SLC39A12: variants seen among roughly 807,000 people sequenced by gnomAD.
SLC39A12 encodes solute carrier family 39 member 12.
A neutral mutation model predicts 71.1 loss-of-function variants in SLC39A12; 63 were observed. The ratio of observed to expected loss-of-function variants is 0.89; its 90% CI spans 0.72 to 1.09. SLC39A12 has a LOEUF of 1.09. SLC39A12 is among the 50% of genes least tolerant of loss of function. The pLI is 0.00. For synonymous variants in SLC39A12, 351 were observed against 301.3 expected, an observed-to-expected ratio of 1.16 and a Z score of -1.71; for missense variants, 892 against 812.6, an observed-to-expected ratio of 1.10 and a Z score of -1.19.
At chr10:17,969,134 T>G (rs945323819) in intron 4 of SLC39A12, among the ~76,000 whole-genome samples, 1 of 152,192 alleles carries the variant, frequency 6.6e-6, no homozygotes, top group Non-Finnish European at 1.5e-5. Context: ...TTCTTTTTTA[T>G]GGCTGAATGG....
chr10:17,955,847 G>A (rs559997956), intron 2 of SLC39A12, among the ~76,000 whole-genome samples: 41 of 152,286 alleles, frequency 2.7e-4, no homozygotes, highest in African/African-American at 8.9e-4. Context: ...ATGAGAAGGG[G>A]TAGAATATAG....
At chr10:18,029,874 G>T (rs2488125) in intron 12 of SLC39A12, among the ~76,000 whole-genome samples, 81,753 of 146,696 alleles carry the variant, frequency 0.56, 23,872 homozygotes, top group Non-Finnish European at 0.66. Flanking sequence ...CTTCAAAATT[G>T]ACTGGCTAAA....
intron 12 of SLC39A12, among the ~76,000 whole-genome samples, chr10:18,036,463 C>A (rs745698605): frequency 6.6e-6 from 1 of 152,002 alleles, no homozygotes; most frequent in African/African-American, 2.4e-5. Flanking sequence ...ACTCCCTGAC[C>A]CCTTGCGCTT....
Position 17,970,678 on chromosome 10 carries a change from G to GTGTC in SLC39A12, c.751+4991_751+4992insCTGT, listed in dbSNP as rs1357277222. Among the ~76,000 whole-genome samples the GTGTC allele has an allele frequency of 2.6e-3, 33 of 12,612 alleles. No homozygotes were observed. The African/African-American group carries it at 0.028, about 11-fold the overall frequency. 8.3% of individuals were successfully genotyped at this position (12,612 alleles called of 152,430 possible). ...TTTCTTATCAGTTCTAATAGTTTGT[G>GTGTC]TGTGTGTGTGTGTGTGTGTGTGTGT... On this transcript the variant is annotated intron_variant, in intron 4 of 12. Transcript: ENST00000377369.
At chr10:17,993,802 C>T (rs1835616486) in intron 9 of SLC39A12, among the ~76,000 whole-genome samples, 1 of 152,202 alleles carries the variant, frequency 6.6e-6, no homozygotes, top group South Asian at 2.1e-4. Flanking sequence ...TATTAATTCT[C>T]AAAGCACAAT....
chr10:17,979,306 C>T (rs1024860100), intron 5 of SLC39A12, among the ~76,000 whole-genome samples: 4 of 152,072 alleles, frequency 2.6e-5, no homozygotes, highest in South Asian at 2.1e-4. Flanking sequence ...GAGCAGCAAG[C>T]GAAGACCAAG....
In SLC39A12 at chr10:17,991,141, T is replaced by TTTTTC. The variant is rs1554851668; in HGVS notation, c.1270-10_1270-9insTTTTC. ...TCTCTCTGCCTTTTTTTTTTTTTTT[T>TTTTTC]CCCCTGAAGGTTCTTGGTTTACATA... On this transcript the variant is annotated splice_polypyrimidine_tract_variant and intron_variant, in intron 7 of 12. Coordinates refer to ENST00000377369, the MANE Select transcript of SLC39A12 (RefSeq NM_001145195.2). 2 of 1,522,518 alleles carry TTTTTC rather than the reference T, an allele frequency of 1.3e-6. No individual in the cohort carries two copies. The highest frequency in any genetic ancestry group is 1.7e-6 in the Non-Finnish European group (2 of 1,145,970). The allele number at this position is 1,522,518 out of a possible 1,614,324, so 94.3% of individuals were successfully genotyped here. A position where few individuals can be genotyped will look rare whatever the true frequency, so the allele number is the denominator to read the frequency against.
intron 4 of SLC39A12, among the ~76,000 whole-genome samples, chr10:17,968,647 T>A (rs1292848244): frequency 6.6e-6 from 1 of 152,132 alleles, no homozygotes; most frequent in Non-Finnish European, 1.5e-5. Flanking sequence ...TTTTTCTTTT[T>A]CTTTTTTCAA....
At chr10:18,033,134 G>A (rs1454309207) in intron 12 of SLC39A12, among the ~76,000 whole-genome samples, 10 of 139,272 alleles carry the variant, frequency 7.2e-5, no homozygotes, top group Admixed American at 4.4e-4. Flanking sequence ...GTCTCTGCCC[G>A]GCTTTGGTAT....
chr10:17,963,771 T>A (rs1589220630), intron 3 of SLC39A12, among the ~76,000 whole-genome samples: 2 of 152,168 alleles, frequency 1.3e-5, no homozygotes, highest in African/African-American at 4.8e-5. Context: ...TACTTGAATT[T>A]CCAGGTCTTG....
intron 12 of SLC39A12, among the ~76,000 whole-genome samples, chr10:18,022,753 G>A (rs1028256571): frequency 6.6e-6 from 1 of 152,168 alleles, no homozygotes; most frequent in African/African-American, 2.4e-5. Context: ...TTTCACATCT[G>A]TGTGGGCTGA....
intron 10 of SLC39A12, among the ~76,000 whole-genome samples, chr10:17,998,126 T>C (rs960402354): frequency 3.9e-5 from 6 of 152,186 alleles, no homozygotes; most frequent in Admixed American, 2.0e-4. Flanking sequence ...AACCTCCCGC[T>C]AAATAATGTT....
At chr10:17,982,956 C>A (rs948902882) in intron 6 of SLC39A12, among the ~76,000 whole-genome samples, 7 of 151,612 alleles carry the variant, frequency 4.6e-5, no homozygotes, top group Non-Finnish European at 8.8e-5. Flanking sequence ...TTCGGGAGGC[C>A]GAGGCGGGTG....
chr10:18,024,179 G>T (rs558063343), intron 12 of SLC39A12, among the ~76,000 whole-genome samples: 1 of 152,174 alleles, frequency 6.6e-6, no homozygotes, highest in South Asian at 2.1e-4. Flanking sequence ...TGAAAGTGAG[G>T]CCTGTAGTCT....
chr10:18,034,842 G>A (rs1216824336), intron 12 of SLC39A12, among the ~76,000 whole-genome samples: 2 of 148,926 alleles, frequency 1.3e-5, no homozygotes, highest in African/African-American at 2.5e-5. Context: ...GGGCAGGCCT[G>A]GTGGTGACAA....
intron 4 of SLC39A12, among the ~76,000 whole-genome samples, chr10:17,968,682 T>C (rs1412740170): frequency 2.0e-5 from 3 of 152,152 alleles, no homozygotes; most frequent in African/African-American, 7.2e-5. Context: ...ATAGTAGGTG[T>C]ATGTATTTAT....
At chr10:17,991,669 A>G (rs1589235262) in intron 8 of SLC39A12, among the ~76,000 whole-genome samples, 1 of 121,850 alleles carries the variant, frequency 8.2e-6, no homozygotes, top group African/African-American at 2.5e-5. Flanking sequence ...ACAAAATCAC[A>G]TGTAATTTTC....
intron 12 of SLC39A12, among the ~76,000 whole-genome samples, chr10:18,018,802 C>G (rs1836453429): frequency 6.6e-6 from 1 of 152,048 alleles, no homozygotes. Flanking sequence ...AGCAGTCTTG[C>G]ATCTATATTT....
rs1176276372 is a variant in SLC39A12, at chr10:18,041,818, T to TATATAC, written c.1948-883_1948-882insACATAT. ...CTATATGTATATACATATGTATACG[T>TATATAC]ATATGTATGTACATACATATGTATA... On this transcript the variant is annotated intron_variant, in intron 12 of 12. Coordinates refer to ENST00000377369, the MANE Select transcript of SLC39A12 (RefSeq NM_001145195.2). Among the ~76,000 whole-genome samples, 654 of 145,026 alleles carry TATATAC rather than the reference T, an allele frequency of 4.5e-3. 23 individuals carry two copies. The highest frequency in any genetic ancestry group is 0.016 in the African/African-American group (620 of 37,838).
Sources: gnomAD v4.1 joint callset for allele counts (sites outside exome capture counted in the v4.1 genomes callset) on GRCh38, gnomAD v4.1.1 for gene constraint, MANE v1.5 for transcripts, NCBI Gene and HGNC (gene_info 2026-07-23, HGNC 2026-07-21) for gene names.